ERC2: variants seen among roughly 807,000 people sequenced by gnomAD.
ERC2 encodes the protein ERC protein 2.
Under a neutral mutation model 114.8 loss-of-function variants are expected in ERC2, and 42 were observed. That is an observed-to-expected ratio of 0.37 (90% confidence interval 0.29 to 0.47). The LOEUF is 0.47. Ranked by LOEUF, ERC2 falls within the 20% of genes least tolerant of loss-of-function variation. The pLI, the probability that ERC2 is intolerant of heterozygous loss-of-function variation, is 0.99. For missense variants in ERC2, 939 were observed against 1,150.7 expected (o/e 0.82, Z 2.66); for synonymous variants, 454 against 425.5 (o/e 1.07, Z -0.82).
intron 13 of ERC2, among the ~76,000 whole-genome samples, chr3:55,935,692 A>G (rs1190377755): frequency 6.6e-6 from 1 of 152,194 alleles, no homozygotes; most frequent in Non-Finnish European, 1.5e-5. Flanking sequence ...TGTGCCCTAC[A>G]TGTGTGCATA....
intron 3 of ERC2, among the ~76,000 whole-genome samples, chr3:56,284,543 C>T (rs1226867617): frequency 6.6e-6 from 1 of 152,052 alleles, no homozygotes; most frequent in Non-Finnish European, 1.5e-5. Context: ...TTTGGTGGTG[C>T]TAGAAGCAGG....
chr3:56,366,141 A>G lies in ERC2; in HGVS notation c.657+68210T>C, dbSNP rs542392717. On this transcript the variant is annotated intron_variant, in intron 2 of 17. Transcript: ENST00000288221. ...ATATTCTCCCCAAACCAATCATGTA[A>G]GATACTCTGCTTCTAGTTAGCCCGC... 2.0e-5 allele frequency among the ~76,000 whole-genome samples: 3 copies of G among 152,298 alleles called. No individual in the cohort carries two copies. In the East Asian group the frequency reaches 5.8e-4, roughly 29 times the overall value.
chr3:55,793,987 C>T (rs544400385), intron 14 of ERC2, among the ~76,000 whole-genome samples: 1 of 152,314 alleles, frequency 6.6e-6, no homozygotes, highest in South Asian at 2.1e-4. Context: ...CTTTCTGGAC[C>T]TTTAAAATAA....
intron 14 of ERC2, among the ~76,000 whole-genome samples, chr3:55,822,781 T>G (rs1264894720): frequency 6.6e-6 from 1 of 152,026 alleles, no homozygotes; most frequent in Non-Finnish European, 1.5e-5. Flanking sequence ...GCCCGGCTAA[T>G]TTTTTGTATT....
intron 14 of ERC2, among the ~76,000 whole-genome samples, chr3:55,784,761 T>A (rs1274077881): frequency 6.6e-6 from 1 of 152,248 alleles, no homozygotes; most frequent in Non-Finnish European, 1.5e-5. Flanking sequence ...ACCATCTACA[T>A]GAAGCCAACT....
chr3:56,278,495 G>T (rs772167699), intron 3 of ERC2, among the ~76,000 whole-genome samples: 6 of 152,230 alleles, frequency 3.9e-5, no homozygotes, highest in Non-Finnish European at 7.3e-5. Context: ...TCCTGGAATG[G>T]CAATAAAAGA....
At chr3:55,815,488 C>A (rs941258743) in intron 14 of ERC2, among the ~76,000 whole-genome samples, 19 of 152,082 alleles carry the variant, frequency 1.2e-4, no homozygotes, top group Non-Finnish European at 1.8e-4. Context: ...GAAAATGGAG[C>A]GGCCACGTGG....
intron 17 of ERC2, among the ~76,000 whole-genome samples, chr3:55,512,158 T>G (rs894798066): frequency 6.6e-6 from 1 of 152,214 alleles, no homozygotes; most frequent in African/African-American, 2.4e-5. Context: ...ATGCAGCATT[T>G]TTCGAGTCAC....
At chr3:55,946,195 C>A (rs2149435820) in intron 13 of ERC2, among the ~76,000 whole-genome samples, 1 of 152,268 alleles carries the variant, frequency 6.6e-6, no homozygotes, top group African/African-American at 2.4e-5. Flanking sequence ...ATGGGACACA[C>A]AGAAGCCCAA....
chr3:55,856,971 T>C (rs929992932), intron 14 of ERC2, among the ~76,000 whole-genome samples: 1 of 150,994 alleles, frequency 6.6e-6, no homozygotes, highest in Non-Finnish European at 1.5e-5. Flanking sequence ...AGGAAAACCA[T>C]ACAGACAGAA....
intron 5 of ERC2, among the ~76,000 whole-genome samples, chr3:56,140,314 C>A (rs192106967): frequency 3.1e-4 from 47 of 152,246 alleles, no homozygotes; most frequent in African/African-American, 1.1e-3. Context: ...ATTACCACCC[C>A]AAATTTTGTG....
chr3:55,731,092 G>A (rs748636710), intron 15 of ERC2, among the ~76,000 whole-genome samples: 7 of 152,172 alleles, frequency 4.6e-5, no homozygotes, highest in Non-Finnish European at 7.3e-5. Flanking sequence ...CCAAGTACAT[G>A]CGCAAGTACA....
chr3:55,940,608 A>G (rs1039444775), intron 13 of ERC2, among the ~76,000 whole-genome samples: 1 of 152,238 alleles, frequency 6.6e-6, no homozygotes, highest in African/African-American at 2.4e-5. Context: ...ATCTTTAGTC[A>G]GAAGAAAAGA....
chr3:55,657,479 A>T (rs1191575304), intron 17 of ERC2: 1 of 152,060 alleles, frequency 6.6e-6, no homozygotes, highest in East Asian at 1.9e-4. Context: ...TTTTTGAGAC[A>T]GGGTCTCACT....
chr3:55,835,475 C>A (rs1026877441), intron 14 of ERC2, among the ~76,000 whole-genome samples: 3 of 152,110 alleles, frequency 2.0e-5, no homozygotes, highest in Admixed American at 2.0e-4. Flanking sequence ...TGTAATCCAG[C>A]ATATAAACAG....
chr3:56,212,103 A>G (rs887391250), intron 3 of ERC2, among the ~76,000 whole-genome samples: 9 of 152,206 alleles, frequency 5.9e-5, no homozygotes, highest in African/African-American at 2.2e-4. Context: ...ATGGGACTTA[A>G]TTAAACTAAA....
chr3:55,672,356 A>AG (rs1253010480), intron 17 of ERC2, among the ~76,000 whole-genome samples: 1 of 151,410 alleles, frequency 6.6e-6, no homozygotes, highest in African/African-American at 2.4e-5. Context: ...AAAAAAAAAA[A>AG]GTCTTTTAAT....
At chr3:55,662,325 C>T (rs949501317) in intron 17 of ERC2, among the ~76,000 whole-genome samples, 2 of 152,194 alleles carry the variant, frequency 1.3e-5, no homozygotes, top group African/African-American at 4.8e-5. Flanking sequence ...TATCTAAATG[C>T]CCATTAACTG....
At chr3:56,175,283 A>C (rs2082913634) in intron 3 of ERC2, among the ~76,000 whole-genome samples, 1 of 152,102 alleles carries the variant, frequency 6.6e-6, no homozygotes, top group South Asian at 2.1e-4. Context: ...CTCTTTCTCA[A>C]CCTCCAATTT....
Sources: allele counts gnomAD v4.1 joint callset (sites outside exome capture counted in the v4.1 genomes callset), GRCh38; gene constraint gnomAD v4.1.1; transcripts MANE v1.5; gene names NCBI Gene and HGNC (gene_info 2026-07-23, HGNC 2026-07-21).